SERGEF: variants seen among roughly 807,000 people sequenced by gnomAD.
The protein encoded by SERGEF is secretion regulating guanine nucleotide exchange factor, also known as secretion-regulating guanine nucleotide exchange factor.
Under a neutral mutation model 50.0 loss-of-function variants are expected in SERGEF, and 51 were observed. The ratio of observed to expected loss-of-function variants is 1.02; its 90% CI spans 0.81 to 1.29. The LOEUF (loss-of-function observed/expected upper bound fraction) is 1.29. SERGEF is among the 50% of genes most tolerant of loss of function. SERGEF has a pLI of 0.00. For synonymous variants in SERGEF, 205 were observed against 212.4 expected (o/e 0.97, Z 0.30); for missense variants, 521 against 557.0 (o/e 0.94, Z 0.65).
At chr11:17,830,753 A>G (rs1850293743) in intron 10 of SERGEF, among the ~76,000 whole-genome samples, 1 of 151,858 alleles carries the variant, frequency 6.6e-6, no homozygotes, top group Non-Finnish European at 1.5e-5. Flanking sequence ...TAGTCCATTC[A>G]TAAGGGCAGA....
At chr11:17,948,725 CA>C (rs1852717686) in intron 9 of SERGEF, among the ~76,000 whole-genome samples, 2 of 152,340 alleles carry the variant, frequency 1.3e-5, no homozygotes, top group Admixed American at 1.3e-4. Flanking sequence ...AGCCTCCCAG[CA>C]CCTGTGAGTG....
intron 8 of SERGEF, among the ~76,000 whole-genome samples, chr11:17,966,386 G>A (rs1021928329): frequency 1.3e-5 from 2 of 152,152 alleles, no homozygotes; most frequent in Non-Finnish European, 2.9e-5. Flanking sequence ...TAGGCTGCAT[G>A]GCCTTGAACA....
intron 7 of SERGEF, among the ~76,000 whole-genome samples, chr11:17,992,392 G>A (rs1440215008): frequency 3.3e-5 from 5 of 152,138 alleles, no homozygotes; most frequent in Admixed American, 6.5e-5. Context: ...GATAAAACAG[G>A]TTACTTTGAG....
chr11:17,953,048 C>A (rs1466539766), intron 9 of SERGEF, among the ~76,000 whole-genome samples: 1 of 152,070 alleles, frequency 6.6e-6, no homozygotes, highest in Non-Finnish European at 1.5e-5. Context: ...GAAGGCTTTC[C>A]AGTCACAACC....
At chr11:17,887,522 T>G (rs1480838333) in intron 9 of SERGEF, among the ~76,000 whole-genome samples, 1 of 152,190 alleles carries the variant, frequency 6.6e-6, no homozygotes. Context: ...ATTTAACCCT[T>G]TCCCTAGTAG....
chr11:17,826,983 T>C (rs1017663752), intron 10 of SERGEF, among the ~76,000 whole-genome samples: 2 of 139,238 alleles, frequency 1.4e-5, no homozygotes, highest in Non-Finnish European at 3.2e-5. Context: ...GGATTTGAAT[T>C]CAGCCAGTGT....
At chr11:17,874,141 G>GA (rs1851200060) in intron 10 of SERGEF, 1 of 152,410 alleles carries the variant, frequency 6.6e-6, no homozygotes, top group African/African-American at 2.4e-5. Context: ...GGAAGAGAGT[G>GA]AATCAGTGAA....
chr11:17,994,419 T>C (rs373580372), intron 6 of SERGEF, among the ~76,000 whole-genome samples: 1 of 131,962 alleles, frequency 7.6e-6, no homozygotes, highest in Non-Finnish European at 1.5e-5. Context: ...GACCTAGCAG[T>C]GAGCTGAGAT....
At chr11:17,873,882 G>A (rs970663836) in intron 10 of SERGEF, among the ~76,000 whole-genome samples, 2 of 152,194 alleles carry the variant, frequency 1.3e-5, no homozygotes, top group Non-Finnish European at 2.9e-5. Context: ...CAGGAAGAAG[G>A]CAAGCAAATT....
At chr11:17,924,028 A>G (rs2133941738) in intron 9 of SERGEF, among the ~76,000 whole-genome samples, 1 of 152,276 alleles carries the variant, frequency 6.6e-6, no homozygotes, top group Admixed American at 6.5e-5. Flanking sequence ...TAGAGTGAAG[A>G]TGATAATAAT....
intron 10 of SERGEF, among the ~76,000 whole-genome samples, chr11:17,826,228 CCCAAAGCTATG>C (rs1306224264): frequency 6.6e-6 from 1 of 152,186 alleles, no homozygotes; most frequent in African/African-American, 2.4e-5. Flanking sequence ...TTGGTTTCTC[CCCAAAGCTATG>C]CCAAGCCATA....
At chr11:17,856,736 A>C (rs1850827282) in intron 10 of SERGEF, 1 of 152,188 alleles carries the variant, frequency 6.6e-6, no homozygotes, top group African/African-American at 2.4e-5. Context: ...AATGTGTAAA[A>C]CCACACATAG....
chr11:17,962,864 G>GT (rs1853037193), intron 8 of SERGEF, among the ~76,000 whole-genome samples: 1 of 152,012 alleles, frequency 6.6e-6, no homozygotes, highest in Non-Finnish European at 1.5e-5. Flanking sequence ...CAGGAGCAGC[G>GT]TGAGGGGATG....
intron 9 of SERGEF, among the ~76,000 whole-genome samples, chr11:17,941,255 T>C (rs1474248179): frequency 1.3e-5 from 2 of 152,206 alleles, no homozygotes; most frequent in Non-Finnish European, 2.9e-5. Context: ...ATCTTAACCA[T>C]TTTTAAGTGT....
chr11:17,975,290 A>G (rs1037574007), intron 8 of SERGEF, among the ~76,000 whole-genome samples: 8 of 152,194 alleles, frequency 5.3e-5, no homozygotes, highest in African/African-American at 1.9e-4. Flanking sequence ...TATGGATTAA[A>G]CAAATGTTTG....
chr11:17,860,341 A>T (rs774221866), intron 10 of SERGEF, among the ~76,000 whole-genome samples: 1 of 152,224 alleles, frequency 6.6e-6, no homozygotes, highest in Non-Finnish European at 1.5e-5. Flanking sequence ...CAGTATTTAC[A>T]CTACTCATAA....
chr11:17,968,686 A>T (rs1321385925), intron 8 of SERGEF, among the ~76,000 whole-genome samples: 1 of 149,642 alleles, frequency 6.7e-6, no homozygotes, highest in African/African-American at 2.5e-5. Context: ...CCTGAGTGAC[A>T]GAACAAGAAC....
At chr11:17,927,675 A>C (rs1383829158) in intron 9 of SERGEF, among the ~76,000 whole-genome samples, 1 of 152,240 alleles carries the variant, frequency 6.6e-6, no homozygotes, top group Non-Finnish European at 1.5e-5. Flanking sequence ...CCTGACATTT[A>C]GCAATTTCCT....
intron 8 of SERGEF, among the ~76,000 whole-genome samples, chr11:17,962,582 T>C (rs1853029730): frequency 6.6e-6 from 1 of 152,102 alleles, no homozygotes; most frequent in African/African-American, 2.4e-5. Context: ...GATGACAAAA[T>C]AGCTCAAAAC....
Sources: allele counts gnomAD v4.1 joint callset (sites outside exome capture counted in the v4.1 genomes callset), GRCh38; gene constraint gnomAD v4.1.1; transcripts MANE v1.5; gene names NCBI Gene and HGNC (gene_info 2026-07-23, HGNC 2026-07-21).